The following GRK5 variants were observed in gnomAD, a reference collection of about 807,000 sequenced individuals.
GRK5 encodes g protein-coupled receptor kinase GRK5.
In GRK5, 40 loss-of-function variants were observed where a neutral mutation model predicts 78.4. That is an observed-to-expected ratio of 0.51 (90% CI 0.40 to 0.66). The LOEUF is 0.66. Among genes scored for constraint, GRK5 ranks in the 30% least tolerant of loss-of-function variants. The pLI is 0.00. For missense variants in GRK5, 598 were observed against 759.9 expected, an observed-to-expected ratio of 0.79 and a Z score of 2.50; for synonymous variants, 289 against 296.8, an observed-to-expected ratio of 0.97 and a Z score of 0.27.
intron 13 of GRK5, among the ~76,000 whole-genome samples, chr10:119,449,159 A>G (rs905594632): frequency 5.3e-5 from 8 of 150,714 alleles, no homozygotes; most frequent in Admixed American, 1.3e-4. Context: ...TTCCGTGTCC[A>G]ATGGCTTTGC....
At chr10:119,257,424 T>C (rs1327196298) in intron 1 of GRK5, among the ~76,000 whole-genome samples, 1 of 152,182 alleles carries the variant, frequency 6.6e-6, no homozygotes, top group African/African-American at 2.4e-5. Context: ...TATGTCTATT[T>C]CAAAAGTGCT....
At chr10:119,441,531 A>G (rs1296843888) in intron 10 of GRK5, among the ~76,000 whole-genome samples, 2 of 152,202 alleles carry the variant, frequency 1.3e-5, no homozygotes, top group Non-Finnish European at 2.9e-5. Flanking sequence ...TCGTTTCTCT[A>G]AAGTGAAAAA....
chr10:119,336,843 G>C lies in GRK5; in HGVS notation c.148+10232G>C, dbSNP rs970096584. Among the ~76,000 whole-genome samples, 8 of 152,204 alleles carry C rather than the reference G, an allele frequency of 5.3e-5. No homozygotes were observed. The highest frequency in any genetic ancestry group is 3.9e-4 in the Admixed American group (6 of 15,278). On this transcript the variant is annotated intron_variant, in intron 2 of 15. Coordinates refer to ENST00000392870, the MANE Select transcript of GRK5 (RefSeq NM_005308.3). This position sits in a 1 kb window ranked among gnomAD's most constrained non-coding sequence, Gnocchi z 4.5. ...GGCGAAATAAATTTAGATGTGTCGG[G>C]TTTGGAACATCAGGTGACCTGTCCG... is the stretch of plus-strand genomic sequence containing the variant.
In GRK5 at chr10:119,390,549, G is replaced by T. The variant is rs575473729; in HGVS notation, c.262-6146G>T. ...ATCTCTACTAAAAATACAAAAATTA[G>T]CTGGGCATGGTGGCGTGCGCCTGTA... On this transcript the variant is annotated intron_variant, in intron 3 of 15. Transcript: ENST00000392870. Among the ~76,000 whole-genome samples the T allele has an allele frequency of 1.3e-3, 204 of 152,238 alleles. 1 individual carries two copies. Among genetic ancestry groups the T allele is most frequent in the African/African-American group, 4.8e-3 (200 of 41,538 alleles).
intron 2 of GRK5, among the ~76,000 whole-genome samples, chr10:119,371,382 T>C (rs1269177716): frequency 1.3e-5 from 2 of 152,258 alleles, no homozygotes; most frequent in East Asian, 3.8e-4. Flanking sequence ...GTCCACATAC[T>C]GCAGGCTCTT....
At chr10:119,322,949 A>G (rs1850611161) in intron 1 of GRK5, among the ~76,000 whole-genome samples, 1 of 152,264 alleles carries the variant, frequency 6.6e-6, no homozygotes, top group African/African-American at 2.4e-5. Context: ...TTGTATACCC[A>G]TACAACAGAA....
rs1474054850 is a variant in GRK5 at position 119,423,217 on chromosome 10, G to A, written c.391G>A (p.Glu131Lys). Residue 131 changes from glutamate to lysine, a missense_variant, in exon 5 of 16, where the codon GAG becomes AAG. Transcript: ENST00000392870. ...VGQDLVSQTE[E>K]KLLQKPCKEL... ...CCAAGACCTGGTCTCCCAGACGGAGGAGAAGCTCCTACAGAAGCCGTGCAA... is the reference window on the plus strand; with the variant it reads ...CCAAGACCTGGTCTCCCAGACGGAGAAGAAGCTCCTACAGAAGCCGTGCAA... 4 of 1,614,186 alleles carry A rather than the reference G, an allele frequency of 2.5e-6. No individual in the cohort carries two copies. The highest frequency in any genetic ancestry group is 3.4e-6 in the Non-Finnish European group (4 of 1,180,014).
intron 13 of GRK5, among the ~76,000 whole-genome samples, chr10:119,449,368 C>G (rs1294223534): frequency 6.6e-6 from 1 of 152,174 alleles, no homozygotes; most frequent in East Asian, 1.9e-4. Context: ...TCCTCTGGGA[C>G]AGAAGGTGGC....
chr10:119,362,284 C>G (rs1387020985), intron 2 of GRK5, among the ~76,000 whole-genome samples: 1 of 152,218 alleles, frequency 6.6e-6, no homozygotes, highest in Non-Finnish European at 1.5e-5. Context: ...ATCCCAGGTG[C>G]TGGCATGGCC....
intron 3 of GRK5, among the ~76,000 whole-genome samples, chr10:119,382,375 TA>T (rs1469207512): frequency 1.3e-5 from 2 of 152,224 alleles, no homozygotes; most frequent in Admixed American, 6.5e-5. Flanking sequence ...CCAGACCAAT[TA>T]ATTTGAATCT....
chr10:119,229,704 G>C lies in GRK5; in HGVS notation c.52+21735G>C, dbSNP rs1298796706. On this transcript the variant is annotated intron_variant, in intron 1 of 15. Transcript: ENST00000392870. ...TCTAAGTACAGAGGCAGCCTTGATG[G>C]GGGGCAGGGATCAGTAAAGCTTTCA... Among the ~76,000 whole-genome samples, 3 of 152,172 alleles carry C rather than the reference G, an allele frequency of 2.0e-5. No individual in the cohort carries two copies. The East Asian group carries it at 5.8e-4, about 29-fold the overall frequency.
At chr10:119,231,522 A>G (rs1359195415) in intron 1 of GRK5, among the ~76,000 whole-genome samples, 2 of 152,030 alleles carry the variant, frequency 1.3e-5, no homozygotes, top group African/African-American at 2.4e-5. Flanking sequence ...CCTGACCAAC[A>G]TGGTGAAACC....
intron 12 of GRK5, among the ~76,000 whole-genome samples, chr10:119,446,901 CATGGGATGAAT>C (rs1424171292): frequency 1.3e-5 from 2 of 152,246 alleles, no homozygotes; most frequent in African/African-American, 4.8e-5. Flanking sequence ...AGGAAGTGTA[CATGGGATGAAT>C]ATGAGCAAAG....
chr10:119,217,634 G>A lies in GRK5; in HGVS notation c.52+9665G>A, dbSNP rs978971663. Among the ~76,000 whole-genome samples, 1 of 152,186 alleles carries A rather than the reference G, an allele frequency of 6.6e-6. No homozygotes were observed. Among genetic ancestry groups the A allele is most frequent in the African/African-American group, 2.4e-5 (1 of 41,436 alleles). ...AAGCCCCATGGGTGGTGGTGGTGGG[G>A]ACAGTCATGGGAGTTTAGGTGTGGG... On this transcript the variant is annotated intron_variant, in intron 1 of 15. Coordinates refer to ENST00000392870, the MANE Select transcript of GRK5 (RefSeq NM_005308.3). The surrounding 1 kb of genome is among the most constrained non-coding windows in gnomAD (Gnocchi z 4.1).
intron 2 of GRK5, among the ~76,000 whole-genome samples, chr10:119,357,265 G>A (rs936507231): frequency 5.3e-4 from 81 of 152,356 alleles, no homozygotes; most frequent in African/African-American, 1.8e-3. Context: ...CAAATGGGGG[G>A]TAGGGTGGGC....
chr10:119,342,954 A>G (rs994802150), intron 2 of GRK5, among the ~76,000 whole-genome samples: 1 of 152,110 alleles, frequency 6.6e-6, no homozygotes, highest in Admixed American at 6.5e-5. Context: ...GTCCTCAGCC[A>G]TGGCAGACAT....
intron 2 of GRK5, among the ~76,000 whole-genome samples, chr10:119,347,459 G>A (rs138897902): frequency 4.5e-4 from 69 of 152,280 alleles, no homozygotes; most frequent in African/African-American, 1.5e-3. Flanking sequence ...AAGTATGTGC[G>A]TGTTTGTGTG....
Position 119,327,367 on chromosome 10 carries a change from C to T in GRK5, c.148+756C>T, listed in dbSNP as rs996537158. 3.5e-4 allele frequency among the ~76,000 whole-genome samples: 54 copies of T among 152,306 alleles called. 1 individual carries two copies. The highest frequency in any genetic ancestry group is 3.0e-3 in the Admixed American group (46 of 15,312). ...CCCCACTCCAGAGTGTTTGGGGTCC[C>T]GGCCCTTCTCCCCTCTGTGCCCTGG... On this transcript the variant is annotated intron_variant, in intron 2 of 15. Transcript: ENST00000392870.
In GRK5 at chr10:119,452,486, G is replaced by A; in HGVS notation, c.1405-185G>A. On this transcript the variant is annotated intron_variant, in intron 13 of 15. Transcript: ENST00000392870. The surrounding 1 kb of genome is among the most constrained non-coding windows in gnomAD (Gnocchi z 4.4). ...GGACAGGAAGCCCAGCCAAGCCACT[G>A]GGGCCGACCCCTCCCCTGGACTCAC... 1 of 609,300 alleles carries A rather than the reference G, an allele frequency of 1.6e-6. No homozygotes were observed. Among genetic ancestry groups the A allele is most frequent in the Non-Finnish European group, 2.8e-6 (1 of 358,354 alleles). The allele number at this position is 609,300 out of a possible 1,614,324, so 37.7% of individuals were successfully genotyped here.
Sources: gnomAD v4.1 joint callset for allele counts (sites outside exome capture counted in the v4.1 genomes callset) on GRCh38, gnomAD v4.1.1 for gene constraint, Gnocchi (gnomAD v3.1) non-coding constraint, MANE v1.5 for transcripts, NCBI Gene and HGNC (gene_info 2026-07-23, HGNC 2026-07-21) for gene names.